OR8G5: variants seen among roughly 807,000 people sequenced by gnomAD.
OR8G5 encodes the protein olfactory receptor family 8 subfamily G member 5.
For missense variants in OR8G5, 347 were observed against 371.9 expected (o/e 0.93, Z 0.55); for synonymous variants, 147 against 147.7 (o/e 1.00, Z 0.03).
chr11:124,263,674 A>C (rs1261112137), intron 1 of OR8G5, among the ~76,000 whole-genome samples: 3 of 152,104 alleles, frequency 2.0e-5, no homozygotes, highest in Non-Finnish European at 4.4e-5. Flanking sequence ...CTAAGAAATC[A>C]TAAACTTTTC....
intron 1 of OR8G5, among the ~76,000 whole-genome samples, chr11:124,259,672 A>G (rs896530870): frequency 6.6e-6 from 1 of 152,204 alleles, no homozygotes; most frequent in South Asian, 2.1e-4. Flanking sequence ...TAAACACTTC[A>G]ATCTCCCTAG....
intron 1 of OR8G5, among the ~76,000 whole-genome samples, chr11:124,261,552 T>C (rs1861971257): frequency 6.6e-6 from 1 of 151,928 alleles, no homozygotes; most frequent in Admixed American, 6.6e-5. Context: ...ATTCAACTAC[T>C]AAAGGAAGAA....
chr11:124,261,019 C>CTT (rs61431781), intron 1 of OR8G5, among the ~76,000 whole-genome samples: 128,258 of 150,636 alleles, frequency 0.85, 55,349 homozygotes, highest in East Asian at 0.89. Flanking sequence ...TCATTCTACT[C>CTT]TATCTCCATG....
intron 1 of OR8G5, among the ~76,000 whole-genome samples, chr11:124,261,885 AAAGTT>A (rs1861974831): frequency 6.6e-6 from 1 of 151,970 alleles, no homozygotes; most frequent in Non-Finnish European, 1.5e-5. Flanking sequence ...TGACTTCTGT[AAAGTT>A]AACAGTTTAC....
intron 1 of OR8G5, among the ~76,000 whole-genome samples, chr11:124,262,013 G>C (rs565634232): frequency 2.0e-5 from 3 of 151,830 alleles, no homozygotes; most frequent in African/African-American, 7.2e-5. Flanking sequence ...GCTAAAGTAG[G>C]GCTGAGAGGG....
At chr11:124,257,702 G>A (rs1861926778) in intron 1 of OR8G5, among the ~76,000 whole-genome samples, 1 of 152,114 alleles carries the variant, frequency 6.6e-6, no homozygotes, top group Non-Finnish European at 1.5e-5. Flanking sequence ...AATCTTTCCT[G>A]GTTATCTTTC....
intron 1 of OR8G5, among the ~76,000 whole-genome samples, chr11:124,261,334 T>C (rs886125716): frequency 6.6e-6 from 1 of 151,954 alleles, no homozygotes; most frequent in Non-Finnish European, 1.5e-5. Flanking sequence ...CTTTTTGTGC[T>C]TCTTTCAAAA....
rs1862026483 is a variant in OR8G5, at chr11:124,265,933, T to A, written c.*66T>A. 13 of 1,478,194 alleles carry A rather than the reference T, an allele frequency of 8.8e-6. No homozygotes were observed. In the South Asian group the frequency reaches 1.4e-4, roughly 16 times the overall value. The allele number at this position is 1,478,194 out of a possible 1,614,324, so 91.6% of individuals were successfully genotyped here. ...TTGGCTATGATATTGTATGAAATGATGTCTTTCACTTTAGTGCATCTGTCA... is the reference window on the plus strand; with the variant it reads ...TTGGCTATGATATTGTATGAAATGAAGTCTTTCACTTTAGTGCATCTGTCA... On this transcript the variant is annotated 3_prime_UTR_variant, in exon 2 of 2. Transcript: ENST00000641992.
chr11:124,265,166 C>G lies in OR8G5; in HGVS notation c.235C>G (p.Pro79Ala), dbSNP rs1165608944. 6.2e-7 allele frequency: 1 copy of G among 1,614,104 alleles called. No individual in the cohort carries two copies. The highest frequency in any genetic ancestry group is 1.3e-5 in the African/African-American group (1 of 75,040). ...CTTCTGCCATTCCACTGTCATTACC[C>G]CTAAGATGCTGGTGAACTTTGTGAC... ...IDFCHSTVIT[P>A]KMLVNFVTEK... Residue 79 changes from proline (P) to alanine (A), a missense_variant, in exon 2 of 2, where the codon CCT (proline) becomes GCT (alanine). Physicochemically the swap from Pro to Ala is conservative, Grantham distance 27. Transcript: ENST00000641992.
intron 1 of OR8G5, among the ~76,000 whole-genome samples, chr11:124,258,992 A>C (rs535271440): frequency 5.3e-5 from 8 of 152,156 alleles, no homozygotes; most frequent in Admixed American, 3.3e-4. Flanking sequence ...AAATGCCTTT[A>C]TGCTTTTATA....
At chr11:124,262,446 TATATG>T (rs1861980919) in intron 1 of OR8G5, among the ~76,000 whole-genome samples, 2 of 151,624 alleles carry the variant, frequency 1.3e-5, no homozygotes, top group Admixed American at 1.3e-4. Context: ...AAAATCTGAA[TATATG>T]ATATCTATTA....
intron 1 of OR8G5, among the ~76,000 whole-genome samples, chr11:124,258,386 G>A (rs867773510): frequency 6.6e-6 from 1 of 151,818 alleles, no homozygotes; most frequent in Non-Finnish European, 1.5e-5. Context: ...GCGAAACCCT[G>A]TCTCTACTAA....
chr11:124,264,828 T>C, intron 1 of OR8G5, 90 bp from the exon 2 acceptor site: 4 of 1,521,240 alleles, frequency 2.6e-6, no homozygotes, highest in Non-Finnish European at 3.6e-6. Context: ...CGGAGTTAAA[T>C]GATCATATAT....
At chr11:124,262,694 C>A (rs981015599) in intron 1 of OR8G5, among the ~76,000 whole-genome samples, 1 of 151,938 alleles carries the variant, frequency 6.6e-6, no homozygotes, top group South Asian at 2.1e-4. Flanking sequence ...CACACATACA[C>A]ACACACCACA....
intron 1 of OR8G5, among the ~76,000 whole-genome samples, chr11:124,264,348 CTG>C (rs1400883808): frequency 1.3e-5 from 2 of 152,288 alleles, no homozygotes; most frequent in African/African-American, 4.8e-5. Flanking sequence ...AGATGACAAA[CTG>C]TATAATTATG....
intron 1 of OR8G5, among the ~76,000 whole-genome samples, chr11:124,256,864 A>G (rs1019260592): frequency 6.6e-6 from 1 of 152,200 alleles, no homozygotes; most frequent in African/African-American, 2.4e-5. Flanking sequence ...AGTTCAGTCT[A>G]AAAATGTGCT....
rs752592465 is a variant in OR8G5 at position 124,265,804 on chromosome 11, C to T, written c.873C>T (p.Ser291=). The T allele has an allele frequency of 6.2e-7, 1 of 1,614,088 alleles. No homozygotes were observed. The highest frequency in any genetic ancestry group is 1.1e-5 in the South Asian group (1 of 91,078). ...VVPMLNPLIY[S]LRNKDVHVAL... is the part of the protein sequence containing the mutation. The stretch of plus-strand genomic sequence containing the variant: ...CCATGCTGAACCCCCTGATCTACAG[C>T]CTGAGGAATAAAGATGTCCACGTTG... Residue 291 remains serine, a synonymous_variant, in exon 2 of 2, where the codon AGC becomes AGT. Transcript: ENST00000641992.
In OR8G5 at chr11:124,265,016, C is replaced by G; in HGVS notation, c.85C>G (p.Leu29Val). 2 of 1,614,032 alleles carry G rather than the reference C, an allele frequency of 1.2e-6. No homozygotes were observed. The highest frequency in any genetic ancestry group is 1.7e-6 in the Non-Finnish European group (2 of 1,179,952). ...EKSELQLPLF[L>V]VFLGIYVVTV... ...GTCAGAGCTACAGCTGCCCCTCTTC[C>G]TCGTCTTCCTGGGAATCTATGTAGT... is the stretch of plus-strand genomic sequence containing the variant. Residue 29 changes from leucine to valine, a missense_variant, in exon 2 of 2, where the codon CTC becomes GTC. Leu to Val is a conservative substitution (Grantham distance 32). Coordinates refer to ENST00000641992, the MANE Select transcript of OR8G5 (RefSeq NM_001005198.2).
At chr11:124,259,566 T>C (rs987728045) in intron 1 of OR8G5, among the ~76,000 whole-genome samples, 1 of 138,944 alleles carries the variant, frequency 7.2e-6, no homozygotes, top group African/African-American at 2.6e-5. Context: ...CAGAGATTAG[T>C]GTCTGGGGAA....
Sources: allele counts gnomAD v4.1 joint callset (sites outside exome capture counted in the v4.1 genomes callset), GRCh38; gene constraint gnomAD v4.1.1; transcripts MANE v1.5; gene names NCBI Gene and HGNC (gene_info 2026-07-23, HGNC 2026-07-21).